Variants in HMCN2 observed in about 807,000 individuals in gnomAD.
HMCN2 encodes the protein hemicentin 2, also known as hemicentin-2.
Under a neutral mutation model 377.5 loss-of-function variants are expected in HMCN2, and 325 were observed. That is an observed-to-expected ratio of 0.86 (90% CI 0.79 to 0.94). The LOEUF is 0.94. Ranked by LOEUF, HMCN2 falls within the 40% of genes least tolerant of loss-of-function variation. HMCN2 has a pLI of 0.00. For missense variants in HMCN2, 4,543 were observed against 4,725.3 expected, an observed-to-expected ratio of 0.96 and a Z score of 1.13; for synonymous variants, 2,007 against 2,046.8, an observed-to-expected ratio of 0.98 and a Z score of 0.53.
Position 130,270,794 on chromosome 9 carries a change from T to C in HMCN2, c.259+4657T>C, listed in dbSNP as rs995169428. ...GGTCTTGCTATGTTGCCTAGGCCGA[T>C]GTCAAACTCCTGGCCTCAAGTGGTC... On this transcript the variant is annotated intron_variant, in intron 1 of 97. Transcript: ENST00000683500. 1.3e-5 allele frequency among the ~76,000 whole-genome samples: 2 copies of C among 148,618 alleles called. 1 individual carries two copies.
At position 130,304,925 on chromosome 9, in the gene HMCN2, C is replaced by T; in HGVS notation, c.1739C>T (p.Thr580Ile). ...LSLEISGIIP[T>I]DGGRYQCVAS... Reference sequence around the variant, plus strand: ...CTGGAGATCAGTGGCATCATCCCCACAGACGGCGGGAGGTACCAGTGTGTG... The same window carrying T: ...CTGGAGATCAGTGGCATCATCCCCATAGACGGCGGGAGGTACCAGTGTGTG... The change falls in exon 11 of 98, where the codon ACA becomes ATA. Residue 580 changes from threonine (T) to isoleucine (I), a missense_variant. Around this residue, in one of 5 missense-constraint regions of HMCN2, gnomAD observed 547 missense variants for 189.9 expected, o/e 2.88. Transcript: ENST00000683500. This position sits in a 1 kb window ranked among gnomAD's most constrained non-coding sequence, Gnocchi z 4.3. 1 of 471,184 alleles carries T rather than the reference C, an allele frequency of 2.1e-6. No homozygotes were observed. Among genetic ancestry groups the T allele is most frequent in the Non-Finnish European group, 4.4e-6 (1 of 227,060 alleles). 29.2% of individuals were successfully genotyped at this position (471,184 alleles called of 1,614,324 possible).
Position 130,351,682 on chromosome 9 carries a change from T to G in HMCN2, c.4585+105T>G. The G allele has an allele frequency of 1.0e-6, 1 of 956,430 alleles. No individual in the cohort carries two copies. The allele number at this position is 956,430 out of a possible 1,614,324, so 59.2% of individuals were successfully genotyped here. A position where few individuals can be genotyped will look rare whatever the true frequency, so the allele number is the denominator to read the frequency against. On this transcript the variant is annotated intron_variant, in intron 30 of 97. Transcript: ENST00000683500. The surrounding 1 kb of genome is among the most constrained non-coding windows in gnomAD (Gnocchi z 5.4). Reference sequence around the variant, plus strand: ...AGAGTGAGGGCTGAAATGGGGGACCTGGTGAGTGATCCCTGAGTCCAAGAA... The same window carrying G: ...AGAGTGAGGGCTGAAATGGGGGACCGGGTGAGTGATCCCTGAGTCCAAGAA...
chr9:130,407,587 G>A lies in HMCN2; in HGVS notation c.12570G>A (p.Gln4190=). Residue 4190 remains glutamine (Q), a synonymous_variant, in exon 83 of 98, where the codon CAG becomes CAA. Transcript: ENST00000683500. ...DRPVTEGVSE[Q]DGGSTLQRAA... Reference sequence around the variant, plus strand: ...CCACCACAGAAGGGGTGTCTGAGCAGGATGGAGGCAGCACGCTGCAGCGGG... The same window carrying A: ...CCACCACAGAAGGGGTGTCTGAGCAAGATGGAGGCAGCACGCTGCAGCGGG... The A allele has an allele frequency of 7.8e-7, 1 of 1,289,584 alleles. No individual in the cohort carries two copies. The highest frequency in any genetic ancestry group is 5.6e-5 in the East Asian group (1 of 17,992). The allele number at this position is 1,289,584 out of a possible 1,614,324, so 79.9% of individuals were successfully genotyped here. A position where few individuals can be genotyped will look rare whatever the true frequency, so the allele number is the denominator to read the frequency against.
Position 130,304,922 on chromosome 9 carries a change from C to T in HMCN2, c.1736C>T (p.Pro579Leu), listed in dbSNP as rs1233863992. 1 of 471,064 alleles carries T rather than the reference C, an allele frequency of 2.1e-6. No homozygotes were observed. The highest frequency in any genetic ancestry group is 4.4e-6 in the Non-Finnish European group (1 of 227,072). The allele number at this position is 471,064 out of a possible 1,614,324, so 29.2% of individuals were successfully genotyped here. A position where few individuals can be genotyped will look rare whatever the true frequency, so the allele number is the denominator to read the frequency against. The stretch of plus-strand genomic sequence containing the variant: ...TCCCTGGAGATCAGTGGCATCATCC[C>T]CACAGACGGCGGGAGGTACCAGTGT... ...DLSLEISGIIPTDGGRYQCVA... is the reference protein window; with the variant it reads ...DLSLEISGIILTDGGRYQCVA... The change falls in exon 11 of 98, where the codon CCC becomes CTC. Residue 579 changes from proline (P) to leucine (L), a missense_variant. Coordinates refer to ENST00000683500, the MANE Select transcript of HMCN2 (RefSeq NM_001291815.2). This position sits in a 1 kb window ranked among gnomAD's most constrained non-coding sequence, Gnocchi z 4.3.
At position 130,302,948 on chromosome 9, in the gene HMCN2, C is replaced by G. The variant is rs781949389; in HGVS notation, c.1368C>G (p.Phe456Leu). 2.1e-6 allele frequency: 1 copy of G among 470,888 alleles called. No individual in the cohort carries two copies. The highest frequency in any genetic ancestry group is 1.5e-5 in the South Asian group (1 of 64,522). 29.2% of individuals were successfully genotyped at this position (470,888 alleles called of 1,614,324 possible). ...GCTCGGTGCACAGTGCCCTTCCCTTCCGGCTGCAGCTGCGGCGAGGTGAAG... is the reference window on the plus strand; with the variant it reads ...GCTCGGTGCACAGTGCCCTTCCCTTGCGGCTGCAGCTGCGGCGAGGTGAAG... ...VSCSVHSALP[F>L]RLQLRRGEAR... Residue 456 changes from phenylalanine to leucine, a missense_variant, in exon 9 of 98, where the codon TTC (phenylalanine) becomes TTG (leucine). By Grantham distance (22) the Phe-to-Leu change is conservative (BLOSUM62 0). Around this residue, in one of 5 missense-constraint regions of HMCN2, gnomAD observed 547 missense variants for 189.9 expected, o/e 2.88. Coordinates refer to ENST00000683500, the MANE Select transcript of HMCN2 (RefSeq NM_001291815.2).
intron 36 of HMCN2, among the ~76,000 whole-genome samples, chr9:130,358,947 C>A (rs975802640): frequency 6.6e-6 from 1 of 152,312 alleles, no homozygotes; most frequent in Non-Finnish European, 1.5e-5. Flanking sequence ...GTGCTGGGAT[C>A]ACAGGCGTGA....
rs1554927648 is a variant in HMCN2 at position 130,286,251 on chromosome 9, G to A, written c.553G>A (p.Glu185Lys). The A allele has an allele frequency of 2.1e-6, 1 of 471,134 alleles. No homozygotes were observed. The highest frequency in any genetic ancestry group is 4.4e-6 in the Non-Finnish European group (1 of 227,066). 29.2% of individuals were successfully genotyped at this position (471,134 alleles called of 1,614,324 possible). A position where few individuals can be genotyped will look rare whatever the true frequency, so the allele number is the denominator to read the frequency against. ...CCATCCTGGCTACCTGGCTTATGAG[G>A]AGATCGCTGCCACCAGCTCTGGGCA... ...RTHPGYLAYE[E>K]IAATSSGQVF... Residue 185 changes from glutamate (E) to lysine (K), a missense_variant, in exon 4 of 98, where the codon GAG becomes AAG. Around this residue, in one of 5 missense-constraint regions of HMCN2, gnomAD observed 547 missense variants for 189.9 expected, o/e 2.88. Coordinates refer to ENST00000683500, the MANE Select transcript of HMCN2 (RefSeq NM_001291815.2).
chr9:130,348,841 A>G lies in HMCN2; in HGVS notation c.4156-143A>G, dbSNP rs1839538291. ...AGTGGAGGATAGTGGTCATGTAGTGAAGCCTGGCAGGGGCTGCGTGGCAGA... is the reference window on the plus strand; with the variant it reads ...AGTGGAGGATAGTGGTCATGTAGTGGAGCCTGGCAGGGGCTGCGTGGCAGA... On this transcript the variant is annotated intron_variant, in intron 27 of 97. Coordinates refer to ENST00000683500, the MANE Select transcript of HMCN2 (RefSeq NM_001291815.2). The G allele has an allele frequency of 1.1e-5, 13 of 1,209,908 alleles. No homozygotes were observed. In the South Asian group the frequency reaches 1.8e-4, roughly 17 times the overall value. 74.9% of individuals were successfully genotyped at this position (1,209,908 alleles called of 1,614,324 possible).
intron 82 of HMCN2, 105 bp from the exon 83 acceptor site, chr9:130,407,466 C>T (rs1843157634): frequency 2.0e-6 from 2 of 1,020,666 alleles, no homozygotes; most frequent in South Asian, 3.0e-5. Flanking sequence ...ACCCGGGACT[C>T]CCATCTGTTT....
At chr9:130,335,114 C>T (rs1424890033) in intron 22 of HMCN2, among the ~76,000 whole-genome samples, 1 of 152,126 alleles carries the variant, frequency 6.6e-6, no homozygotes, top group Non-Finnish European at 1.5e-5. Context: ...TGGGGCTGCA[C>T]AGCATGTCTG....
At chr9:130,391,838 C>T in intron 65 of HMCN2, 97 bp from the exon 66 acceptor site, 2 of 769,630 alleles carry the variant, frequency 2.6e-6, no homozygotes, top group Non-Finnish European at 3.2e-6. Flanking sequence ...TTGCTGGCGG[C>T]AGAAGTCCAG....
chr9:130,304,780 G>T lies in HMCN2; in HGVS notation c.1594G>T (p.Glu532Ter). ...PAPNVTVSPGETAVLSCRVLG... is the reference protein window; with the variant it reads ...PAPNVTVSPG Reference sequence around the variant, plus strand: ...TCCCAACGTGACCGTGTCCCCAGGGGAGACTGCCGTCCTATCCTGCCGGGT... The same window carrying T: ...TCCCAACGTGACCGTGTCCCCAGGGTAGACTGCCGTCCTATCCTGCCGGGT... Residue 532 changes from glutamate (E) to a stop codon, truncating the protein, a stop_gained, in exon 11 of 98, where the codon GAG becomes TAG. Coordinates refer to ENST00000683500, the MANE Select transcript of HMCN2 (RefSeq NM_001291815.2). LOFTEE classifies it high-confidence loss of function. This position sits in a 1 kb window ranked among gnomAD's most constrained non-coding sequence, Gnocchi z 4.3. 2.1e-6 allele frequency: 1 copy of T among 471,126 alleles called. No homozygotes were observed. Among genetic ancestry groups the T allele is most frequent in the Non-Finnish European group, 4.4e-6 (1 of 227,088 alleles). 29.2% of individuals were successfully genotyped at this position (471,126 alleles called of 1,614,324 possible). A position where few individuals can be genotyped will look rare whatever the true frequency, so the allele number is the denominator to read the frequency against.
intron 14 of HMCN2, among the ~76,000 whole-genome samples, chr9:130,307,887 G>C (rs1337026091): frequency 2.6e-5 from 4 of 152,186 alleles, no homozygotes; most frequent in African/African-American, 9.7e-5. Flanking sequence ...ATCAAAGATA[G>C]GTTGGTTGCG....
Position 130,428,099 on chromosome 9 carries a change from C to CGG in HMCN2, c.14066-257_14066-256dup, listed in dbSNP as rs1156841632. On this transcript the variant is annotated intron_variant, in intron 92 of 97. Coordinates refer to ENST00000683500, the MANE Select transcript of HMCN2 (RefSeq NM_001291815.2). The surrounding 1 kb of genome is among the most constrained non-coding windows in gnomAD (Gnocchi z 5.0). The stretch of plus-strand genomic sequence containing the variant: ...GCCAAGTCTCCGCTGGGCTCCAAGC[C>CGG]GGGTGCCCAAGGGGACGTTGTCTGC... Among the ~76,000 whole-genome samples, 3 of 152,124 alleles carry CGG rather than the reference C, an allele frequency of 2.0e-5. No homozygotes were observed. The highest frequency in any genetic ancestry group is 7.2e-5 in the African/African-American group (3 of 41,398).
chr9:130,429,928 G>A, intron 94 of HMCN2: 1 of 714,132 alleles, frequency 1.4e-6, no homozygotes, highest in Non-Finnish European at 2.2e-6. Context: ...TGACCCTGTG[G>A]GGTCATCTTC....
chr9:130,350,038 C>A (rs1157911409), intron 29 of HMCN2, among the ~76,000 whole-genome samples: 1 of 151,418 alleles, frequency 6.6e-6, no homozygotes, highest in African/African-American at 2.4e-5. Context: ...TCCTAAATAG[C>A]TGGGACCACA....
chr9:130,298,145 G>C (rs991207740), intron 7 of HMCN2, among the ~76,000 whole-genome samples: 14 of 152,108 alleles, frequency 9.2e-5, no homozygotes, highest in African/African-American at 2.4e-4. Context: ...GTAGAGACAG[G>C]GTTTTGCCAT....
chr9:130,337,317 C>A (rs972047606), intron 22 of HMCN2, among the ~76,000 whole-genome samples: 136 of 152,196 alleles, frequency 8.9e-4, no homozygotes, highest in Non-Finnish European at 1.6e-3. Context: ...GGACCCTCAA[C>A]ACAGTTCTGG....
intron 14 of HMCN2, among the ~76,000 whole-genome samples, chr9:130,309,276 G>A (rs1357045253): frequency 6.6e-6 from 1 of 152,072 alleles, no homozygotes; most frequent in Non-Finnish European, 1.5e-5. Flanking sequence ...CACTTTGGGA[G>A]CCCGAGGTGG....
Sources: allele counts gnomAD v4.1 joint callset (sites outside exome capture counted in the v4.1 genomes callset), GRCh38; gene constraint gnomAD v4.1.1; regional missense constraint gnomAD v4.1.1; non-coding constraint Gnocchi (gnomAD v3.1); transcripts MANE v1.5; gene names NCBI Gene and HGNC (gene_info 2026-07-23, HGNC 2026-07-21).